Variants in THAP4 observed in about 807,000 individuals in gnomAD.
The protein encoded by THAP4 is THAP domain containing 4, also known as peroxynitrite isomerase THAP4.
A neutral mutation model predicts 48.1 loss-of-function variants in THAP4; 18 were observed. That is an observed-to-expected ratio of 0.37 (90% CI 0.26 to 0.56). THAP4 has a LOEUF of 0.56. Among genes scored for constraint, THAP4 ranks in the 20% least tolerant of loss-of-function variants. The pLI, the probability that THAP4 is intolerant of heterozygous loss-of-function variation, is 0.78. For synonymous variants in THAP4, 345 were observed against 324.9 expected (o/e 1.06, Z -0.66); for missense variants, 656 against 774.9 (o/e 0.85, Z 1.82).
intron 2 of THAP4, among the ~76,000 whole-genome samples, chr2:241,621,035 T>C (rs2067423814): frequency 6.6e-6 from 1 of 152,122 alleles, no homozygotes; most frequent in South Asian, 2.1e-4. Context: ...ATTTTAGAAT[T>C]ACCACACGGA....
At chr2:241,636,424 C>T (rs887529796) in intron 1 of THAP4, among the ~76,000 whole-genome samples, 37 of 152,332 alleles carry the variant, frequency 2.4e-4, no homozygotes, top group African/African-American at 8.9e-4. Context: ...CCGGGCCAGG[C>T]TCTAAGGGAG....
intron 2 of THAP4, among the ~76,000 whole-genome samples, chr2:241,629,652 A>G (rs2125097695): frequency 6.6e-6 from 1 of 152,132 alleles, no homozygotes; most frequent in Middle Eastern, 3.4e-3. Context: ...AAATATAACT[A>G]TAAAATAAGA....
intron 4 of THAP4, 118 bp downstream of exon 4, chr2:241,602,852 C>T (rs763713415): frequency 1.5e-4 from 115 of 779,734 alleles, no homozygotes; most frequent in South Asian, 3.1e-5. Flanking sequence ...GCCATCCCCA[C>T]GGTCCCCACC....
rs1205800627 is a variant in THAP4 at position 241,616,978 on chromosome 2, C to T, written c.1241-10505G>A. Among the ~76,000 whole-genome samples, 1 of 152,182 alleles carries T rather than the reference C, an allele frequency of 6.6e-6. No homozygotes were observed. The highest frequency in any genetic ancestry group is 1.5e-5 in the Non-Finnish European group (1 of 68,022). ...CTGGGGCCGCTCCCCCTGCACCCTC[C>T]ACCACTTCGGGCCGCGTGGAACGTG... is the stretch of plus-strand genomic sequence containing the variant. On this transcript the variant is annotated intron_variant, in intron 2 of 5. Coordinates refer to ENST00000407315, the MANE Select transcript of THAP4 (RefSeq NM_015963.6). This position sits in a 1 kb window ranked among gnomAD's most constrained non-coding sequence, Gnocchi z 4.6.
At chr2:241,628,659 G>C (rs867796219) in intron 2 of THAP4, among the ~76,000 whole-genome samples, 40 of 149,292 alleles carry the variant, frequency 2.7e-4, no homozygotes, top group African/African-American at 9.6e-4. Flanking sequence ...AACTGTACTG[G>C]AATAGGATTT....
At chr2:241,627,058 A>T (rs569672390) in intron 2 of THAP4, among the ~76,000 whole-genome samples, 9 of 152,348 alleles carry the variant, frequency 5.9e-5, no homozygotes, top group African/African-American at 2.2e-4. Context: ...TTTAGGACAG[A>T]AAAATCCAGC....
intron 2 of THAP4, 27 bp from the exon 3 acceptor site, chr2:241,606,500 G>A (rs565736690): frequency 6.4e-7 from 1 of 1,570,000 alleles, no homozygotes; most frequent in South Asian, 1.2e-5. Context: ...GAGACTATCA[G>A]TGGCCTCCCT....
intron 5 of THAP4, among the ~76,000 whole-genome samples, chr2:241,590,367 C>G (rs112727085): frequency 5.4e-4 from 7 of 12,906 alleles, no homozygotes; most frequent in South Asian, 1.1e-3. Flanking sequence ...ACACTCAGAA[C>G]TGCCCGGCTG....
At chr2:241,604,847 C>T (rs540213466) in intron 3 of THAP4, among the ~76,000 whole-genome samples, 2 of 152,336 alleles carry the variant, frequency 1.3e-5, no homozygotes, top group African/African-American at 2.4e-5. Context: ...CACGAGCCAC[C>T]GCGCTGGGCC....
At chr2:241,606,130 T>A (rs1215221199) in intron 3 of THAP4, among the ~76,000 whole-genome samples, 184 bp downstream of exon 3, 3 of 152,232 alleles carry the variant, frequency 2.0e-5, no homozygotes, top group Admixed American at 2.0e-4. Context: ...AACCAGAAAG[T>A]ATCATTTTTA....
intron 5 of THAP4, among the ~76,000 whole-genome samples, chr2:241,592,724 AGGGGGAAAAACC>A (rs1399600314): frequency 1.3e-5 from 2 of 152,268 alleles, no homozygotes; most frequent in Admixed American, 1.3e-4. Flanking sequence ...CTCCAGAGCG[AGGGGGAAAAACC>A]GGGTGCTTCT....
At chr2:241,617,566 T>C (rs550928874) in intron 2 of THAP4, 1 of 1,080,460 alleles carries the variant, frequency 9.3e-7, no homozygotes, top group African/African-American at 1.6e-5. Context: ...GTAGTTCCAC[T>C]ATGAAAGATC....
In THAP4 at chr2:241,610,422, G is replaced by A. The variant is rs923690376; in HGVS notation, c.1241-3949C>T. On this transcript the variant is annotated intron_variant, in intron 2 of 5. Coordinates refer to ENST00000407315, the MANE Select transcript of THAP4 (RefSeq NM_015963.6). This position sits in a 1 kb window ranked among gnomAD's most constrained non-coding sequence, Gnocchi z 4.2. ...GGAGCGGCAGAGGAGTCAGGGCGGA[G>A]GCTGGGCGGCGCTGGGCGGTGGGGC... Among the ~76,000 whole-genome samples, 14 of 152,210 alleles carry A rather than the reference G, an allele frequency of 9.2e-5. No homozygotes were observed. Among genetic ancestry groups the A allele is most frequent in the Admixed American group, 7.8e-4 (12 of 15,288 alleles).
chr2:241,608,485 A>T (rs2067218211), intron 2 of THAP4, among the ~76,000 whole-genome samples: 1 of 152,256 alleles, frequency 6.6e-6, no homozygotes, highest in African/African-American at 2.4e-5. Flanking sequence ...TTGGACTTCA[A>T]TAAAACTTTC....
Position 241,584,556 on chromosome 2 carries a change from C to A in THAP4, c.*50G>T. 6.2e-7 allele frequency: 1 copy of A among 1,609,576 alleles called. No homozygotes were observed. The highest frequency in any genetic ancestry group is 8.5e-7 in the Non-Finnish European group (1 of 1,176,494). On this transcript the variant is annotated 3_prime_UTR_variant, in exon 6 of 6. Coordinates refer to ENST00000407315, the MANE Select transcript of THAP4 (RefSeq NM_015963.6). The stretch of plus-strand genomic sequence containing the variant: ...GGGACTGTCTGTTGAGGAGCCGAAC[C>A]GTTGAGGCACAGTAGCCAGGCCCTC...
At chr2:241,631,551 G>A (rs771729658) in intron 2 of THAP4, among the ~76,000 whole-genome samples, 10 of 152,114 alleles carry the variant, frequency 6.6e-5, no homozygotes, top group Non-Finnish European at 1.3e-4. Context: ...CTACAGCCTC[G>A]ACCTCCCAGG....
intron 5 of THAP4, among the ~76,000 whole-genome samples, chr2:241,588,830 G>GA (rs2066922262): frequency 6.6e-6 from 1 of 152,168 alleles, no homozygotes; most frequent in Non-Finnish European, 1.5e-5. Flanking sequence ...AAATGCAGGT[G>GA]AAAATCTTTG....
At position 241,619,267 on chromosome 2, in the gene THAP4, G is replaced by A. The variant is rs141185925; in HGVS notation, c.1241-12794C>T. On this transcript the variant is annotated intron_variant, in intron 2 of 5. Transcript: ENST00000407315. ...TACAGCCACTGCAGGATTAAACACA[G>A]CCCGAGTGCCAGCCAGGTTAAGGGG... Among the ~76,000 whole-genome samples, 17 of 152,308 alleles carry A rather than the reference G, an allele frequency of 1.1e-4. No individual in the cohort carries two copies. In the South Asian group the frequency reaches 3.5e-3, roughly 32 times the overall value.
At chr2:241,637,420 C>T (rs1301477750), upstream of THAP4, 3 of 1,459,516 alleles carry the variant, frequency 2.1e-6, no homozygotes, top group Non-Finnish European at 2.7e-6. Context: ...ACAACTGCTC[C>T]TGGGTCCTCT....
Sources: gnomAD v4.1 joint callset for allele counts (sites outside exome capture counted in the v4.1 genomes callset) on GRCh38, gnomAD v4.1.1 for gene constraint, Gnocchi (gnomAD v3.1) non-coding constraint, MANE v1.5 for transcripts, NCBI Gene and HGNC (gene_info 2026-07-23, HGNC 2026-07-21) for gene names.